RBFOX1: variants seen among roughly 807,000 people sequenced by gnomAD.
RBFOX1 encodes RNA binding protein fox-1 homolog 1.
Under a neutral mutation model 57.7 loss-of-function variants are expected in RBFOX1, and 8 were observed. The observed-to-expected ratio is 0.14, with a 90% CI of 0.08 to 0.25. RBFOX1 has a LOEUF of 0.25. Ranked by LOEUF, RBFOX1 falls within the 10% of genes least tolerant of loss-of-function variation. RBFOX1 has a pLI of 1.00. For missense variants in RBFOX1, 611 were observed against 548.5 expected (o/e 1.11, Z -1.14); for synonymous variants, 326 against 222.4 (o/e 1.47, Z -4.15).
chr16:6,000,187 C>A (rs1596376381), intron 4 of RBFOX1, among the ~76,000 whole-genome samples: 1 of 152,290 alleles, frequency 6.6e-6, no homozygotes, highest in Non-Finnish European at 1.5e-5. Flanking sequence ...TTTCTGGCCT[C>A]TTAGGGCAGT....
intron 1 of RBFOX1, among the ~76,000 whole-genome samples, chr16:5,272,237 A>G (rs1287460830): frequency 2.0e-5 from 3 of 152,228 alleles, no homozygotes; most frequent in African/African-American, 7.2e-5. Context: ...CATCCTAAAA[A>G]TTTTCAGTAA....
chr16:6,944,185 A>G (rs186080407), intron 3 of RBFOX1, among the ~76,000 whole-genome samples: 3 of 152,124 alleles, frequency 2.0e-5, no homozygotes, highest in African/African-American at 7.2e-5. Flanking sequence ...TTATGAGGTC[A>G]GGAGTTCAAG....
At position 5,833,108 on chromosome 16, in the gene RBFOX1, A is replaced by G. The variant is rs568915416; in HGVS notation, c.319-34195A>G. 4.6e-5 allele frequency among the ~76,000 whole-genome samples: 7 copies of G among 152,222 alleles called. No individual in the cohort carries two copies. The South Asian group carries it at 6.2e-4, about 14-fold the overall frequency. On this transcript the variant is annotated intron_variant, in intron 3 of 19. Coordinates refer to the RBFOX1 transcript ENST00000641259. ...GGACAATGCAAGGGTCTGGGTAAGA[A>G]CCCCATACTAGAGCCTTATGCATAA...
chr16:6,417,829 G>A (rs1000426670), intron 2 of RBFOX1, among the ~76,000 whole-genome samples: 3 of 150,862 alleles, frequency 2.0e-5, no homozygotes, highest in Admixed American at 6.6e-5. Flanking sequence ...CCTAGTATCC[G>A]TTAGTTATTT....
At chr16:6,642,732 G>C (rs148277654) in intron 2 of RBFOX1, among the ~76,000 whole-genome samples, 1 of 152,150 alleles carries the variant, frequency 6.6e-6, no homozygotes, top group Non-Finnish European at 1.5e-5. Context: ...GTTGGGGATC[G>C]TTTTGTAGTT....
chr16:6,762,504 C>T (rs528764103), intron 3 of RBFOX1, among the ~76,000 whole-genome samples: 8 of 152,178 alleles, frequency 5.3e-5, no homozygotes, highest in African/African-American at 1.9e-4. Context: ...TATGGCTCAC[C>T]AGTGTTACCC....
At chr16:5,388,828 C>T (rs2066325106) in intron 1 of RBFOX1, among the ~76,000 whole-genome samples, 1 of 151,822 alleles carries the variant, frequency 6.6e-6, no homozygotes, top group Non-Finnish European at 1.5e-5. Context: ...CCACCCACCT[C>T]AGCCTCCCAA....
At chr16:5,603,858 G>A (rs2047457626), downstream of RBFOX1, among the ~76,000 whole-genome samples, 1 of 152,202 alleles carries the variant, frequency 6.6e-6, no homozygotes, top group Admixed American at 6.5e-5. Context: ...TCCTGAACTC[G>A]TGGAAGTGAT....
chr16:6,478,398 TATATATATATATATATATATATA>T (rs2095308559), intron 2 of RBFOX1, among the ~76,000 whole-genome samples: 1 of 14,220 alleles, frequency 7.0e-5, no homozygotes, highest in Non-Finnish European at 1.2e-4. Context: ...AATATATATA[TATATATATATATATATATATATA>T]TATATATATT....
Position 7,153,084 on chromosome 16 carries a change from C to G in RBFOX1, c.27+100986C>G, listed in dbSNP as rs777834293. 1.3e-4 allele frequency among the ~76,000 whole-genome samples: 20 copies of G among 151,982 alleles called. 1 individual carries two copies. The highest frequency in any genetic ancestry group is 1.3e-4 in the Admixed American group (2 of 15,250). ...CCATGGCATGGTCTAATATTTTGTA[C>G]AAAACTTGTCTCTTAATGTTATAAT... On this transcript the variant is annotated intron_variant, in intron 4 of 15. Coordinates refer to ENST00000550418, the MANE Select transcript of RBFOX1 (RefSeq NM_018723.4).
Position 6,019,765 on chromosome 16 carries a change from C to A in RBFOX1, c.-354C>A, listed in dbSNP as rs2095030780. 1.4e-6 allele frequency: 2 copies of A among 1,404,478 alleles called. No homozygotes were observed. The highest frequency in any genetic ancestry group is 2.8e-5 in the Admixed American group (1 of 35,702). 87.0% of individuals were successfully genotyped at this position (1,404,478 alleles called of 1,614,324 possible). A position where few individuals can be genotyped will look rare whatever the true frequency, so the allele number is the denominator to read the frequency against. On this transcript the variant is annotated 5_prime_UTR_variant, in exon 1 of 16. Transcript: ENST00000550418. This position sits in a 1 kb window ranked among gnomAD's most constrained non-coding sequence, Gnocchi z 4.2. Reference sequence around the variant, plus strand: ...AGTCCTTGCGCTCCAGACCCCCACCCAGTGGCCGCCAGGGTCCCCGCCTGT... The same window carrying A: ...AGTCCTTGCGCTCCAGACCCCCACCAAGTGGCCGCCAGGGTCCCCGCCTGT...
chr16:7,026,633 C>T (rs1294389564), intron 3 of RBFOX1, among the ~76,000 whole-genome samples: 3 of 152,094 alleles, frequency 2.0e-5, no homozygotes, highest in Non-Finnish European at 4.4e-5. Flanking sequence ...GGCCTTGGGT[C>T]CCCTGGTCAG....
chr16:7,101,236 G>C lies in RBFOX1; in HGVS notation c.27+49138G>C, dbSNP rs1275621405. 3.3e-5 allele frequency among the ~76,000 whole-genome samples: 5 copies of C among 152,194 alleles called. No individual in the cohort carries two copies. The East Asian group carries it at 9.6e-4, about 29-fold the overall frequency. On this transcript the variant is annotated intron_variant, in intron 4 of 15. Transcript: ENST00000550418. ...GTGACTAGGAATTTATTCTGCACCA[G>C]CGTGGCATAGAGAGAAACCGAGTGA...
At chr16:5,252,931 G>T (rs72775752) in intron 1 of RBFOX1, among the ~76,000 whole-genome samples, 21,605 of 152,106 alleles carry the variant, frequency 0.14, 1,854 homozygotes, top group East Asian at 0.33. Context: ...AACAAATAAA[G>T]CACTGCATTT....
At chr16:5,898,591 C>A (rs182218622) in intron 4 of RBFOX1, among the ~76,000 whole-genome samples, 74 of 150,616 alleles carry the variant, frequency 4.9e-4, no homozygotes, top group African/African-American at 1.7e-3. Flanking sequence ...AGCATAGATT[C>A]TATTGTCAAG....
chr16:7,201,805 A>G (rs571853698), intron 4 of RBFOX1, among the ~76,000 whole-genome samples: 3 of 152,120 alleles, frequency 2.0e-5, no homozygotes, highest in Non-Finnish European at 4.4e-5. Flanking sequence ...CTGGTAGAGA[A>G]TGGGCACGGC....
intron 2 of RBFOX1, among the ~76,000 whole-genome samples, chr16:6,582,650 C>CT (rs2097552081): frequency 6.6e-6 from 1 of 152,004 alleles, no homozygotes; most frequent in East Asian, 1.9e-4. Context: ...AGGATTTAGT[C>CT]TTTTTTTCTC....
chr16:7,558,019 AATTTAATATTCAAAACTCATT>A (rs1326008932), intron 5 of RBFOX1, among the ~76,000 whole-genome samples: 1 of 152,190 alleles, frequency 6.6e-6, no homozygotes, highest in East Asian at 1.9e-4. Context: ...ATGGTAAAAT[AATTTAATATTCAAAACTCATT>A]ATTTCTTATT....
intron 1 of RBFOX1, among the ~76,000 whole-genome samples, chr16:5,244,693 G>T (rs1027422525): frequency 6.6e-6 from 1 of 152,244 alleles, no homozygotes; most frequent in Non-Finnish European, 1.5e-5. Context: ...TGTGAGGCAG[G>T]CTCCTGAGGA....
Sources: gnomAD v4.1 joint callset for allele counts (sites outside exome capture counted in the v4.1 genomes callset) on GRCh38, gnomAD v4.1.1 for gene constraint, Gnocchi (gnomAD v3.1) non-coding constraint, MANE v1.5 for transcripts, NCBI Gene and HGNC (gene_info 2026-07-23, HGNC 2026-07-21) for gene names.